The following SLC14A2 variants were observed in gnomAD, a reference collection of about 807,000 sequenced individuals.
SLC14A2 encodes urea transporter 2.
A neutral mutation model predicts 104.6 loss-of-function variants in SLC14A2; 91 were observed. The ratio of observed to expected loss-of-function variants is 0.87; its 90% CI spans 0.73 to 1.04. The LOEUF (loss-of-function observed/expected upper bound fraction) is 1.04, where lower values mean the gene tolerates loss of function less well. Among genes scored for constraint, SLC14A2 ranks in the 50% least tolerant of loss-of-function variants. The pLI is 0.00. For missense variants in SLC14A2, 1,189 were observed against 1,156.0 expected (o/e 1.03, Z -0.41); for synonymous variants, 476 against 466.4 (o/e 1.02, Z -0.27).
intron 16 of SLC14A2, among the ~76,000 whole-genome samples, chr18:45,670,443 C>T (rs16978442): frequency 0.049 from 7,382 of 152,172 alleles, 543 homozygotes; most frequent in African/African-American, 0.16. Flanking sequence ...TTACACGAAA[C>T]GGCTCCACAG....
At chr18:45,182,692 A>G in the SLC14A2 span, among the ~76,000 whole-genome samples, 1 of 152,082 alleles carries the variant, frequency 6.6e-6, no homozygotes, top group African/African-American at 2.4e-5. Flanking sequence ...ATATAAAGCA[A>G]CAACAAAAAA....
chr18:45,445,430 C>A (rs1354695758), intron 1 of SLC14A2, among the ~76,000 whole-genome samples: 3 of 152,016 alleles, frequency 2.0e-5, no homozygotes, highest in Admixed American at 6.6e-5. Context: ...TTTGATAGGA[C>A]GTAAGAGACA....
intron 1 of SLC14A2, among the ~76,000 whole-genome samples, chr18:45,256,920 C>T (rs1045110353): frequency 2.6e-5 from 4 of 152,228 alleles, no homozygotes; most frequent in African/African-American, 4.8e-5. Flanking sequence ...GGCTGGGGCT[C>T]ATGGTCAAGG....
rs549036247 is a variant in SLC14A2 at position 45,537,165 on chromosome 18, A to G, written c.-35+53843A>G. Among the ~76,000 whole-genome samples, 8 of 151,932 alleles carry G rather than the reference A, an allele frequency of 5.3e-5. No homozygotes were observed. The South Asian group carries it at 6.3e-4, about 12-fold the overall frequency. On this transcript the variant is annotated intron_variant, in intron 2 of 20. Coordinates refer to the SLC14A2 transcript ENST00000586448. ...TCTTCTAGGTGCTGAAGATATACCAATGAATAAAATAGACACAAAAGCAAC... is the reference window on the plus strand; with the variant it reads ...TCTTCTAGGTGCTGAAGATATACCAGTGAATAAAATAGACACAAAAGCAAC...
intron 2 of SLC14A2, among the ~76,000 whole-genome samples, chr18:45,496,169 T>C (rs1222027292): frequency 6.6e-6 from 1 of 152,248 alleles, no homozygotes; most frequent in Admixed American, 6.5e-5. Context: ...ATTCTTAACA[T>C]ACTTAATTTC....
chr18:45,219,798 T>C (rs1485612004), intron 1 of SLC14A2, among the ~76,000 whole-genome samples: 1 of 152,166 alleles, frequency 6.6e-6, no homozygotes. Flanking sequence ...GGAAAATACA[T>C]GCAGAAACTA....
chr18:45,494,741 ATCATTGAGACAG>A (rs1366460130), intron 2 of SLC14A2, among the ~76,000 whole-genome samples: 1 of 151,606 alleles, frequency 6.6e-6, no homozygotes, highest in Non-Finnish European at 1.5e-5. Context: ...CCTCCACACC[ATCATTGAGACAG>A]TCACTATGCC....
the SLC14A2 span, among the ~76,000 whole-genome samples, chr18:45,177,156 T>TA: frequency 6.6e-6 from 1 of 152,194 alleles, no homozygotes; most frequent in African/African-American, 2.4e-5. Context: ...TTGCTCTTCA[T>TA]AAAATCTCTC....
At chr18:45,253,875 C>T (rs888053804) in intron 1 of SLC14A2, among the ~76,000 whole-genome samples, 1 of 151,986 alleles carries the variant, frequency 6.6e-6, no homozygotes, top group African/African-American at 2.4e-5. Flanking sequence ...TCTCATGTGC[C>T]TGAGTGGGTG....
intron 2 of SLC14A2, among the ~76,000 whole-genome samples, chr18:45,488,079 A>G (rs2087644726): frequency 6.6e-6 from 1 of 152,190 alleles, no homozygotes; most frequent in African/African-American, 2.4e-5. Context: ...GTGGTCCTAG[A>G]CTCAGAACTT....
intron 2 of SLC14A2, among the ~76,000 whole-genome samples, chr18:45,600,713 G>C (rs560768006): frequency 6.6e-6 from 1 of 152,318 alleles, no homozygotes; most frequent in South Asian, 2.1e-4. Flanking sequence ...CATGAACCAA[G>C]GGAGGCAGCA....
intron 1 of SLC14A2, among the ~76,000 whole-genome samples, chr18:45,344,577 T>C (rs2085429086): frequency 6.6e-6 from 1 of 152,158 alleles, no homozygotes; most frequent in African/African-American, 2.4e-5. Flanking sequence ...GACAGGCAGA[T>C]ATTTTGGATG....
At chr18:45,661,159 C>T (rs2045930212) in intron 10 of SLC14A2, among the ~76,000 whole-genome samples, 1 of 152,210 alleles carries the variant, frequency 6.6e-6, no homozygotes, top group Non-Finnish European at 1.5e-5. Flanking sequence ...GTAGCCATGT[C>T]AGCTCTGCCA....
At chr18:45,268,623 T>G (rs114417773) in intron 1 of SLC14A2, among the ~76,000 whole-genome samples, 108 of 152,278 alleles carry the variant, frequency 7.1e-4, no homozygotes, top group African/African-American at 2.5e-3. Flanking sequence ...TGTGAGAGAT[T>G]TGGAAGCACC....
Position 45,564,521 on chromosome 18 carries a change from ACAAACACCTCGCACTGAACCTAAAC to A in SLC14A2, c.-34-60102_-34-60078del, listed in dbSNP as rs551424753. ...TACACAGAGAGGTGACTAAAACTAC[ACAAACACCTCGCACTGAACCTAAAC>A]CAAACACAGCCCCAGCTCAACTGCC... On this transcript the variant is annotated intron_variant, in intron 2 of 20. Coordinates refer to the SLC14A2 transcript ENST00000586448. Among the ~76,000 whole-genome samples, 8 of 152,304 alleles carry A rather than the reference ACAAACACCTCGCACTGAACCTAAAC, an allele frequency of 5.3e-5. No individual in the cohort carries two copies. In the East Asian group the frequency reaches 1.2e-3, roughly 22 times the overall value.
intron 1 of SLC14A2, among the ~76,000 whole-genome samples, chr18:45,308,038 GT>G (rs1395142666): frequency 1.3e-5 from 2 of 152,118 alleles, no homozygotes; most frequent in Non-Finnish European, 2.9e-5. Flanking sequence ...GGGCCACGCT[GT>G]TTTAAATAGC....
intron 2 of SLC14A2, among the ~76,000 whole-genome samples, chr18:45,500,995 T>TA (rs1243555317): frequency 6.6e-6 from 1 of 152,158 alleles, no homozygotes; most frequent in Non-Finnish European, 1.5e-5. Context: ...GGGCTCCACA[T>TA]ACAAGGGCAG....
chr18:45,420,627 G>C (rs73433886), intron 1 of SLC14A2, among the ~76,000 whole-genome samples: 202 of 152,264 alleles, frequency 1.3e-3, no homozygotes, highest in African/African-American at 4.6e-3. Flanking sequence ...ATATAATCTG[G>C]AATAATGGTT....
intron 1 of SLC14A2, among the ~76,000 whole-genome samples, chr18:45,285,227 G>A (rs1568135173): frequency 6.6e-6 from 1 of 152,024 alleles, no homozygotes; most frequent in African/African-American, 2.4e-5. Flanking sequence ...AATTTGAAGG[G>A]GTCTTGGAGA....
Sources: allele counts gnomAD v4.1 joint callset (sites outside exome capture counted in the v4.1 genomes callset), GRCh38; gene constraint gnomAD v4.1.1; transcripts MANE v1.5; gene names NCBI Gene and HGNC (gene_info 2026-07-23, HGNC 2026-07-21).